The following WNK2 variants were observed in gnomAD, a reference collection of about 807,000 sequenced individuals.
WNK2 encodes WNK lysine deficient protein kinase 2.
WNK2 carries 67 observed loss-of-function variants against 192.1 expected under a neutral mutation model. The observed-to-expected ratio is 0.35, with a 90% CI of 0.29 to 0.43. The LOEUF (loss-of-function observed/expected upper bound fraction) is 0.43. WNK2 is among the 20% of genes least tolerant of loss of function. The pLI, the probability that WNK2 is intolerant of heterozygous loss-of-function variation, is 1.00. For synonymous variants in WNK2, 1,439 were observed against 1,393.9 expected, an observed-to-expected ratio of 1.03 and a Z score of -0.72; for missense variants, 2,698 against 3,089.7, an observed-to-expected ratio of 0.87 and a Z score of 3.01.
rs1843526462 is a variant in WNK2 at position 93,257,683 on chromosome 9, A to C, written c.2382+544A>C. 6.6e-6 allele frequency among the ~76,000 whole-genome samples: 1 copy of C among 152,228 alleles called. No homozygotes were observed. Among genetic ancestry groups the C allele is most frequent in the African/African-American group, 2.4e-5 (1 of 41,462 alleles). On this transcript the variant is annotated intron_variant, in intron 11 of 29. Coordinates refer to ENST00000427277, the MANE Select transcript of WNK2 (RefSeq NM_006648.4). This position sits in a 1 kb window ranked among gnomAD's most constrained non-coding sequence, Gnocchi z 4.7. Reference sequence around the variant, plus strand: ...AGCGTTCTTCCTGTGGAGCTCCTCCAGGGCCGTGTGGCATGTGGCTCCTCG... The same window carrying C: ...AGCGTTCTTCCTGTGGAGCTCCTCCCGGGCCGTGTGGCATGTGGCTCCTCG...
At chr9:93,274,284 G>A (rs1400293275) in intron 19 of WNK2, among the ~76,000 whole-genome samples, 2 of 152,128 alleles carry the variant, frequency 1.3e-5, no homozygotes, top group Non-Finnish European at 2.9e-5. Context: ...GCACTTTGGC[G>A]GGTGGATCAC....
Position 93,259,185 on chromosome 9 carries a change from T to C in WNK2, c.2637T>C (p.Asn879=). 6.2e-7 allele frequency: 1 copy of C among 1,612,296 alleles called. No individual in the cohort carries two copies. The highest frequency in any genetic ancestry group is 1.1e-5 in the South Asian group (1 of 91,054). ...LAMPCRTIVP[N]APATIPLLAV... Reference sequence around the variant, plus strand: ...TGCCCTGCCGGACCATTGTGCCAAATGCACCGGCCACTATCCCCCTGCTGG... The same window carrying C: ...TGCCCTGCCGGACCATTGTGCCAAACGCACCGGCCACTATCCCCCTGCTGG... The change falls in exon 12 of 30, where the codon AAT becomes AAC. Residue 879 remains asparagine (N), a synonymous_variant. Transcript: ENST00000427277. This position sits in a 1 kb window ranked among gnomAD's most constrained non-coding sequence, Gnocchi z 4.8.
intron 18 of WNK2, 25 bp from the exon 19 acceptor site, chr9:93,268,602 G>A (rs754273831): frequency 1.1e-5 from 18 of 1,599,358 alleles, no homozygotes; most frequent in South Asian, 8.0e-5. Context: ...CTCACTCAGC[G>A]TGCTGTTTCT....
In WNK2 at chr9:93,292,703, C is replaced by T. The variant is rs1315006029; in HGVS notation, c.5238C>T (p.Gly1746=). 1.9e-6 allele frequency: 3 copies of T among 1,567,676 alleles called. No individual in the cohort carries two copies. In the African/African-American group the frequency reaches 4.1e-5, roughly 21 times the overall value. ...QDVSSPAKTV[G]RFSVVSTQDE... ...TCAGCTCACCAGCCAAGACTGTGGG[C>T]CGTTTCTCGGTGGTCAGCACTCAGG... The change falls in exon 23 of 30, where the codon GGC becomes GGT. Residue 1746 remains glycine, a synonymous_variant. Coordinates refer to ENST00000427277, the MANE Select transcript of WNK2 (RefSeq NM_006648.4).
At chr9:93,191,346 CT>C (rs1345385429) in intron 2 of WNK2, among the ~76,000 whole-genome samples, 1 of 152,102 alleles carries the variant, frequency 6.6e-6, no homozygotes, top group East Asian at 1.9e-4. Context: ...ACAGTGCAGG[CT>C]TGTGTGTATG....
intron 2 of WNK2, among the ~76,000 whole-genome samples, chr9:93,191,198 C>T (rs1830276523): frequency 6.6e-6 from 1 of 152,098 alleles, no homozygotes; most frequent in Admixed American, 6.6e-5. Context: ...CCTGTCCTGT[C>T]ATTTCCGGGG....
chr9:93,311,930 A>C (rs1423898545), intron 28 of WNK2, among the ~76,000 whole-genome samples: 2 of 152,162 alleles, frequency 1.3e-5, no homozygotes, highest in African/African-American at 4.8e-5. Flanking sequence ...GCGTTCAGCC[A>C]TCCTTTCTGG....
At chr9:93,193,816 T>G (rs986908613) in intron 2 of WNK2, among the ~76,000 whole-genome samples, 20 of 152,224 alleles carry the variant, frequency 1.3e-4, no homozygotes, top group Middle Eastern at 3.2e-3. Flanking sequence ...CGACTTCTTA[T>G]TTAAATTGGC....
intron 7 of WNK2, among the ~76,000 whole-genome samples, chr9:93,240,695 G>A (rs1032154525): frequency 1.3e-5 from 2 of 152,172 alleles, no homozygotes; most frequent in Non-Finnish European, 2.9e-5. Context: ...GATGCCAGGG[G>A]GTCAGCGGTG....
chr9:93,306,922 G>GC (rs1210408281), intron 27 of WNK2, 101 bp downstream of exon 27: 2 of 1,468,460 alleles, frequency 1.4e-6, no homozygotes, highest in Non-Finnish European at 1.9e-6. Context: ...GCGTGGGCCT[G>GC]CCCTGTGCCT....
rs1587867722 is a variant in WNK2, at chr9:93,206,453, A to G, written c.681+20843A>G. ...TCCAGTCCCTGCCTGGGGACCCAGG[A>G]GACCCTGAGAAGCACGTGGCTTGCC... On this transcript the variant is annotated intron_variant, in intron 2 of 29. Coordinates refer to ENST00000427277, the MANE Select transcript of WNK2 (RefSeq NM_006648.4). 7.2e-5 allele frequency among the ~76,000 whole-genome samples: 11 copies of G among 152,290 alleles called. No homozygotes were observed. The South Asian group carries it at 2.3e-3, about 32-fold the overall frequency.
intron 7 of WNK2, among the ~76,000 whole-genome samples, chr9:93,243,405 T>G (rs969631457): frequency 3.9e-5 from 6 of 152,192 alleles, no homozygotes; most frequent in South Asian, 2.1e-4. Context: ...TTGGCTGAAC[T>G]CTGCGGCTGT....
In WNK2 at chr9:93,268,699, C is replaced by G. The variant is rs1293681423; in HGVS notation, c.3986C>G (p.Ser1329Cys). Residue 1329 changes from serine to cysteine, a missense_variant, in exon 19 of 30, where the codon TCT becomes TGT. Ser to Cys is a moderately radical substitution (Grantham distance 112). Coordinates refer to ENST00000427277, the MANE Select transcript of WNK2 (RefSeq NM_006648.4). Reference sequence around the variant, plus strand: ...CACCCCGCCCCCGAGGCCCCTGAATCTTCGCCCCCACTTCCTCTAAGCTCC... The same window carrying G: ...CACCCCGCCCCCGAGGCCCCTGAATGTTCGCCCCCACTTCCTCTAAGCTCC... ...AEHPAPEAPE[S>C]SPPLPLSSLP... 1.9e-6 allele frequency: 3 copies of G among 1,613,434 alleles called. No individual in the cohort carries two copies. Among genetic ancestry groups the G allele is most frequent in the African/African-American group, 1.3e-5 (1 of 74,924 alleles).
intron 29 of WNK2, among the ~76,000 whole-genome samples, chr9:93,320,029 A>G (rs536366184): frequency 6.2e-4 from 94 of 152,290 alleles, no homozygotes; most frequent in African/African-American, 2.0e-3. Context: ...GAGCTTCTGC[A>G]TGGAGGGAGG....
intron 28 of WNK2, 81 bp from the exon 29 acceptor site, chr9:93,317,439 G>C: frequency 7.1e-7 from 1 of 1,407,632 alleles, no homozygotes; most frequent in South Asian, 1.2e-5. Context: ...TGGAGAAACT[G>C]TGGCACCCTG....
chr9:93,263,692 C>G lies in WNK2; in HGVS notation c.3537C>G (p.Ser1179=). The change falls in exon 15 of 30, where the codon TCC becomes TCG. Residue 1179 remains serine, a synonymous_variant. Transcript: ENST00000427277. Reference sequence around the variant, plus strand: ...ACCGCAGGTCCACGCGTGCGCGCTCCCGGCAGGAGAGGGCCAGCCGGCCCC... The same window carrying G: ...ACCGCAGGTCCACGCGTGCGCGCTCGCGGCAGGAGAGGGCCAGCCGGCCCC... ...KHHRRSTRAR[S]RQERASRPRL... 6.4e-7 allele frequency: 1 copy of G among 1,557,336 alleles called. No homozygotes were observed. The highest frequency in any genetic ancestry group is 8.6e-7 in the Non-Finnish European group (1 of 1,157,624).
At chr9:93,311,641 T>TGTGTGTGTGTGTG (rs1853677319) in intron 28 of WNK2, among the ~76,000 whole-genome samples, 2 of 13,422 alleles carry the variant, frequency 1.5e-4, no homozygotes, top group South Asian at 4.0e-3. Flanking sequence ...GTGTGTGTGT[T>TGTGTGTGTGTGTG]TTGAGACGGA....
chr9:93,244,089 G>T lies in WNK2; in HGVS notation c.1543-3454G>T, dbSNP rs575599599. ...AGCCTGGGTGGCAGAGCGAGACCCT[G>T]TCTCAAACAAACAAAAGTCCCTGAG... On this transcript the variant is annotated intron_variant, in intron 7 of 29. Coordinates refer to ENST00000427277, the MANE Select transcript of WNK2 (RefSeq NM_006648.4). 6.6e-5 allele frequency among the ~76,000 whole-genome samples: 10 copies of T among 152,354 alleles called. No homozygotes were observed. In the East Asian group the frequency reaches 1.5e-3, roughly 24 times the overall value.
At chr9:93,269,357 T>C (rs886712908) in intron 19 of WNK2, among the ~76,000 whole-genome samples, 3 of 152,242 alleles carry the variant, frequency 2.0e-5, no homozygotes, top group Non-Finnish European at 4.4e-5. Context: ...GGAAAGTTAC[T>C]GATTCTATAA....
Sources: allele counts gnomAD v4.1 joint callset (sites outside exome capture counted in the v4.1 genomes callset), GRCh38; gene constraint gnomAD v4.1.1; non-coding constraint Gnocchi (gnomAD v3.1); transcripts MANE v1.5; gene names NCBI Gene and HGNC (gene_info 2026-07-23, HGNC 2026-07-21).